SCUBE3: variants seen among roughly 807,000 people sequenced by gnomAD.
The protein encoded by SCUBE3 is signal peptide, CUB domain and EGF like domain containing 3.
In SCUBE3, 33 loss-of-function variants were observed where a neutral mutation model predicts 116.8. The observed-to-expected ratio is 0.28, with a 90% CI of 0.21 to 0.38. SCUBE3 has a LOEUF of 0.38. Ranked by LOEUF, SCUBE3 falls within the 10% of genes least tolerant of loss-of-function variation. The pLI is 1.00. For missense variants in SCUBE3, 1,007 were observed against 1,324.8 expected (o/e 0.76, Z 3.72); for synonymous variants, 418 against 496.9 (o/e 0.84, Z 2.11).
chr6:35,231,390 T>C lies in SCUBE3; in HGVS notation c.335-335T>C, dbSNP rs899880928. Among the ~76,000 whole-genome samples, 11 of 152,218 alleles carry C rather than the reference T, an allele frequency of 7.2e-5. No homozygotes were observed. Among genetic ancestry groups the C allele is most frequent in the African/African-American group, 2.7e-4 (11 of 41,448 alleles). ...TGACCAATCTCCATCCTTACCTTCA[T>C]CACTGTTCCTCTTTCTCTGGCTTCT... On this transcript the variant is annotated intron_variant, in intron 3 of 21. Coordinates refer to ENST00000274938, the MANE Select transcript of SCUBE3 (RefSeq NM_152753.4). This position sits in a 1 kb window ranked among gnomAD's most constrained non-coding sequence, Gnocchi z 4.2.
Position 35,233,224 on chromosome 6 carries a change from G to A in SCUBE3, c.635G>A (p.Cys212Tyr). The change falls in exon 6 of 22, where the codon TGT becomes TAT. Residue 212 changes from cysteine (C) to tyrosine (Y), a missense_variant. Coordinates refer to ENST00000274938, the MANE Select transcript of SCUBE3 (RefSeq NM_152753.4). This position sits in a 1 kb window ranked among gnomAD's most constrained non-coding sequence, Gnocchi z 5.7. ...GGTAACGGCGGCTGCCAGCACACGTGTGATGACACAGAGCAGGGTCCCCGG... is the reference window on the plus strand; with the variant it reads ...GGTAACGGCGGCTGCCAGCACACGTATGATGACACAGAGCAGGGTCCCCGG... ...NYGNGGCQHT[C>Y]DDTEQGPRCG... is the part of the protein sequence containing the mutation. The A allele has an allele frequency of 6.2e-7, 1 of 1,613,950 alleles. No individual in the cohort carries two copies. Among genetic ancestry groups the A allele is most frequent in the Non-Finnish European group, 8.5e-7 (1 of 1,179,902 alleles).
chr6:35,236,969 A>G (rs1446663202), intron 6 of SCUBE3, among the ~76,000 whole-genome samples: 3 of 152,210 alleles, frequency 2.0e-5, no homozygotes, highest in African/African-American at 7.2e-5. Flanking sequence ...CCTGCTGTGA[A>G]TTCAGAAAAT....
In SCUBE3 at chr6:35,245,325, C is replaced by A; in HGVS notation, c.2499C>A (p.Asn833Lys). The A allele has an allele frequency of 6.2e-7, 1 of 1,614,144 alleles. No individual in the cohort carries two copies. Among genetic ancestry groups the A allele is most frequent in the Non-Finnish European group, 8.5e-7 (1 of 1,180,002 alleles). ...NYPAGVECIW[N>K]INPPPKRKIL... ...CAGCTGGTGTGGAGTGCATCTGGAA[C>A]ATCAACCCCCCACCCAAGCGCAAGA... Residue 833 changes from asparagine (N) to lysine (K), a missense_variant, in exon 19 of 22, where the codon AAC (asparagine) becomes AAA (lysine). By Grantham distance (94) the Asn-to-Lys change is moderately conservative. Transcript: ENST00000274938. This position sits in a 1 kb window ranked among gnomAD's most constrained non-coding sequence, Gnocchi z 4.2.
rs767999652 is a variant in SCUBE3, at chr6:35,243,005, G to C, written c.1694-16G>C. Reference sequence around the variant, plus strand: ...ACTCTTTCTCCTCCCTGATACACACGGCCATCCACCACCAGCCAGCTGTGG... The same window carrying C: ...ACTCTTTCTCCTCCCTGATACACACCGCCATCCACCACCAGCCAGCTGTGG... On this transcript the variant is annotated splice_polypyrimidine_tract_variant and intron_variant, in intron 14 of 21. Transcript: ENST00000274938. The surrounding 1 kb of genome is among the most constrained non-coding windows in gnomAD (Gnocchi z 6.6). 1.2e-6 allele frequency: 2 copies of C among 1,611,740 alleles called. No homozygotes were observed. The highest frequency in any genetic ancestry group is 1.7e-6 in the Non-Finnish European group (2 of 1,178,086).
chr6:35,221,747 A>G (rs1038817815), intron 1 of SCUBE3: 2 of 152,210 alleles, frequency 1.3e-5, no homozygotes, highest in African/African-American at 4.8e-5. Flanking sequence ...CTACTGCTTC[A>G]GTAGGAAAAT....
Position 35,241,981 on chromosome 6 carries a change from C to T in SCUBE3, c.1417+71C>T. ...TTAATCCCTTATTTTTGTTCTTCAT[C>T]AATCCCCTGGCCTTCCTTTCTCCTG... On this transcript the variant is annotated intron_variant, in intron 12 of 21. Transcript: ENST00000274938. The surrounding 1 kb of genome is among the most constrained non-coding windows in gnomAD (Gnocchi z 4.1). 1 of 1,144,640 alleles carries T rather than the reference C, an allele frequency of 8.7e-7. No individual in the cohort carries two copies. The highest frequency in any genetic ancestry group is 1.3e-6 in the Non-Finnish European group (1 of 762,044). 70.9% of individuals were successfully genotyped at this position (1,144,640 alleles called of 1,614,324 possible). A position where few individuals can be genotyped will look rare whatever the true frequency, so the allele number is the denominator to read the frequency against.
At position 35,232,451 on chromosome 6, in the gene SCUBE3, T is replaced by C. The variant is rs1424341703; in HGVS notation, c.470-399T>C. Among the ~76,000 whole-genome samples, 1 of 152,110 alleles carries C rather than the reference T, an allele frequency of 6.6e-6. No individual in the cohort carries two copies. ...CTCTCATTGTAGATCTGATTGCTAC[T>C]GATCTTCTTCCCAGTTTGACTGTAA... On this transcript the variant is annotated intron_variant, in intron 4 of 21. Coordinates refer to ENST00000274938, the MANE Select transcript of SCUBE3 (RefSeq NM_152753.4). The surrounding 1 kb of genome is among the most constrained non-coding windows in gnomAD (Gnocchi z 4.2).
chr6:35,241,778 C>G lies in SCUBE3; in HGVS notation c.1313-28C>G. 1 of 1,585,408 alleles carries G rather than the reference C, an allele frequency of 6.3e-7. No individual in the cohort carries two copies. The highest frequency in any genetic ancestry group is 8.7e-7 in the Non-Finnish European group (1 of 1,153,944). On this transcript the variant is annotated intron_variant, in intron 11 of 21. Transcript: ENST00000274938. The surrounding 1 kb of genome is among the most constrained non-coding windows in gnomAD (Gnocchi z 4.1). The stretch of plus-strand genomic sequence containing the variant: ...GCCAGCGGGGGTTGGGAAGGCAGGT[C>G]AGAACTGTGACAGGCTCCTTTTCTC...
chr6:35,242,246 T>G lies in SCUBE3; in HGVS notation c.1460T>G (p.Ile487Ser). 1.2e-6 allele frequency: 2 copies of G among 1,614,016 alleles called. No individual in the cohort carries two copies. The highest frequency in any genetic ancestry group is 1.7e-6 in the Non-Finnish European group (2 of 1,179,950). ...ATTAAACAACGGGCCTCCTTCAAGA[T>G]CAAGGATGCCAAATGCCGTTTGCAC... ...LSIKQRASFK[I>S]KDAKCRLHLR... is the part of the protein sequence containing the mutation. Residue 487 changes from isoleucine (I) to serine (S), a missense_variant, in exon 13 of 22, where the codon ATC becomes AGC. By Grantham distance (142) the Ile-to-Ser change is moderately radical (BLOSUM62 -2). Around this residue, in one of 5 missense-constraint regions of SCUBE3, gnomAD observed 544 missense variants for 638.9 expected, o/e 0.85. Coordinates refer to ENST00000274938, the MANE Select transcript of SCUBE3 (RefSeq NM_152753.4).
At chr6:35,242,484 C>T (rs527766051) in intron 13 of SCUBE3, 138 bp from the exon 14 acceptor site, 89 of 929,864 alleles carry the variant, frequency 9.6e-5, no homozygotes, top group Non-Finnish European at 1.5e-4. Context: ...GAATATTCCC[C>T]TCCACCAACT....
At position 35,231,646 on chromosome 6, in the gene SCUBE3, C is replaced by A; in HGVS notation, c.335-79C>A. ...TAGGGGGTAGTAGTTCTTAAGACTG[C>A]CTTTGGTGCTGAAGTCTTGGGATAT... On this transcript the variant is annotated intron_variant, in intron 3 of 21. Transcript: ENST00000274938. This position sits in a 1 kb window ranked among gnomAD's most constrained non-coding sequence, Gnocchi z 4.2. 1 of 1,314,672 alleles carries A rather than the reference C, an allele frequency of 7.6e-7. No individual in the cohort carries two copies. Among genetic ancestry groups the A allele is most frequent in the Non-Finnish European group, 1.0e-6 (1 of 966,098 alleles). 81.4% of individuals were successfully genotyped at this position (1,314,672 alleles called of 1,614,324 possible).
At chr6:35,215,580 G>A (rs1782853188) in intron 1 of SCUBE3, among the ~76,000 whole-genome samples, 1 of 152,238 alleles carries the variant, frequency 6.6e-6, no homozygotes, top group Admixed American at 6.5e-5. Flanking sequence ...CAGAAGGAAA[G>A]TTGAACTTGG....
In SCUBE3 at chr6:35,249,305, CTT is replaced by C. The variant is rs1323283479; in HGVS notation, c.*602_*603del. ...GCTTTCTTGTCTATACAGATCCTCT[CTT>C]TCTTTCCCTACGTCTGCCTGGGGTC... On this transcript the variant is annotated 3_prime_UTR_variant, in exon 22 of 22. Coordinates refer to ENST00000274938, the MANE Select transcript of SCUBE3 (RefSeq NM_152753.4). The C allele has an allele frequency of 6.5e-6, 1 of 152,876 alleles. No homozygotes were observed. The highest frequency in any genetic ancestry group is 1.9e-4 in the East Asian group (1 of 5,186). 9.5% of individuals were successfully genotyped at this position (152,876 alleles called of 1,614,324 possible).
Position 35,228,648 on chromosome 6 carries a change from T to C in SCUBE3, c.243T>C (p.Gly81=). Residue 81 remains glycine, a synonymous_variant, in exon 3 of 22, where the codon GGT becomes GGC. Transcript: ENST00000274938. This position sits in a 1 kb window ranked among gnomAD's most constrained non-coding sequence, Gnocchi z 4.9. ...AGTGCGAGCGAGAGGATAATGCAGG[T>C]TGTGTGCATGACTGTGTCAACATCC... is the stretch of plus-strand genomic sequence containing the variant. ...VDECEREDNA[G]CVHDCVNIPG... 3 of 1,613,842 alleles carry C rather than the reference T, an allele frequency of 1.9e-6. No individual in the cohort carries two copies.
Position 35,239,567 on chromosome 6 carries a change from CAGAGACAGGAAAGAGAGAG to C in SCUBE3, c.830-168_830-150del, listed in dbSNP as rs975146708. 1.2e-4 allele frequency among the ~76,000 whole-genome samples: 18 copies of C among 152,000 alleles called. No homozygotes were observed. The highest frequency in any genetic ancestry group is 4.3e-4 in the African/African-American group (18 of 41,442). On this transcript the variant is annotated intron_variant, in intron 7 of 21. Transcript: ENST00000274938. This position sits in a 1 kb window ranked among gnomAD's most constrained non-coding sequence, Gnocchi z 4.1. ...ACAGATCCCCTGAACAGGGAAGAAACAGAGACAGGAAAGAGAGAGAGAGACAGGAAAGAGAAAGAGAAAG... is the reference window on the plus strand; with the variant it reads ...ACAGATCCCCTGAACAGGGAAGAAACAGAGACAGGAAAGAGAAAGAGAAAG...
chr6:35,245,734 T>A lies in SCUBE3; in HGVS notation c.2600-210T>A, dbSNP rs1264177726. Among the ~76,000 whole-genome samples the A allele has an allele frequency of 6.6e-6, 1 of 152,186 alleles. No homozygotes were observed. Among genetic ancestry groups the A allele is most frequent in the Non-Finnish European group, 1.5e-5 (1 of 68,028 alleles). ...TAAATGTCATATTTATTACACTATGTGAGTGCCCAGGTATCAAGGAGGAAT... is the reference window on the plus strand; with the variant it reads ...TAAATGTCATATTTATTACACTATGAGAGTGCCCAGGTATCAAGGAGGAAT... On this transcript the variant is annotated intron_variant, in intron 19 of 21. Coordinates refer to ENST00000274938, the MANE Select transcript of SCUBE3 (RefSeq NM_152753.4). This position sits in a 1 kb window ranked among gnomAD's most constrained non-coding sequence, Gnocchi z 4.2.
chr6:35,243,917 G>A lies in SCUBE3; in HGVS notation c.2072-46G>A. 6.3e-7 allele frequency: 1 copy of A among 1,590,750 alleles called. No individual in the cohort carries two copies. The highest frequency in any genetic ancestry group is 8.6e-7 in the Non-Finnish European group (1 of 1,163,870). ...TGAGATCGGGTGACCCCATGGGGAT[G>A]ACTCAGGACCATCCCCATCAGAGTT... On this transcript the variant is annotated intron_variant, in intron 16 of 21. Coordinates refer to ENST00000274938, the MANE Select transcript of SCUBE3 (RefSeq NM_152753.4). The surrounding 1 kb of genome is among the most constrained non-coding windows in gnomAD (Gnocchi z 6.6).
In SCUBE3 at chr6:35,228,708, C is replaced by T; in HGVS notation, c.303C>T (p.Phe101=). Residue 101 remains phenylalanine (F), a synonymous_variant, in exon 3 of 22, where the codon TTC becomes TTT. Transcript: ENST00000274938. The surrounding 1 kb of genome is among the most constrained non-coding windows in gnomAD (Gnocchi z 4.9). The part of the protein sequence containing the change: ...GNYRCTCYDG[F]HLAHDGHNCL... ...ACCGGTGTACCTGCTATGATGGATTCCACCTGGCACATGACGGACACAACT... is the reference window on the plus strand; with the variant it reads ...ACCGGTGTACCTGCTATGATGGATTTCACCTGGCACATGACGGACACAACT... 6.2e-7 allele frequency: 1 copy of T among 1,614,060 alleles called. No homozygotes were observed. The highest frequency in any genetic ancestry group is 8.5e-7 in the Non-Finnish European group (1 of 1,179,944).
At position 35,240,123 on chromosome 6, in the gene SCUBE3, G is replaced by A. The variant is rs1023122470; in HGVS notation, c.952+249G>A. Among the ~76,000 whole-genome samples, 3 of 152,164 alleles carry A rather than the reference G, an allele frequency of 2.0e-5. No individual in the cohort carries two copies. Among genetic ancestry groups the A allele is most frequent in the Non-Finnish European group, 2.9e-5 (2 of 68,026 alleles). ...ATTCATATCCTTGGCAGAGTAGGACGTACCTAACCACACATGGTGGGCCCT... is the reference window on the plus strand; with the variant it reads ...ATTCATATCCTTGGCAGAGTAGGACATACCTAACCACACATGGTGGGCCCT... On this transcript the variant is annotated intron_variant, in intron 8 of 21. Transcript: ENST00000274938. This position sits in a 1 kb window ranked among gnomAD's most constrained non-coding sequence, Gnocchi z 4.6.
Sources: allele counts gnomAD v4.1 joint callset (sites outside exome capture counted in the v4.1 genomes callset), GRCh38; gene constraint gnomAD v4.1.1; regional missense constraint gnomAD v4.1.1; non-coding constraint Gnocchi (gnomAD v3.1); transcripts MANE v1.5; gene names NCBI Gene and HGNC (gene_info 2026-07-23, HGNC 2026-07-21).